Variants in GFRA3 observed in about 807,000 individuals in gnomAD.
GFRA3 encodes the protein GDNF family receptor alpha 3, also known as GDNF family receptor alpha-3.
A neutral mutation model predicts 40.0 loss-of-function variants in GFRA3; 24 were observed. That is an observed-to-expected ratio of 0.60 (90% CI 0.43 to 0.84). The LOEUF is 0.84. Ranked by LOEUF, GFRA3 falls within the 40% of genes least tolerant of loss-of-function variation. The pLI is 0.00. For synonymous variants in GFRA3, 203 were observed against 213.5 expected, an observed-to-expected ratio of 0.95 and a Z score of 0.43; for missense variants, 405 against 530.6, an observed-to-expected ratio of 0.76 and a Z score of 2.33.
intron 1 of GFRA3, among the ~76,000 whole-genome samples, chr5:138,266,697 T>C (rs1439831340): frequency 6.6e-6 from 1 of 150,854 alleles, no homozygotes; most frequent in African/African-American, 2.4e-5. Flanking sequence ...TTTTCTTTTC[T>C]TTTTTTTTGA....
chr5:138,274,300 T>C lies in GFRA3; in HGVS notation c.91+34A>G, dbSNP rs780622872. 2.3e-6 allele frequency: 3 copies of C among 1,319,032 alleles called. No homozygotes were observed. In the South Asian group the frequency reaches 8.1e-5, roughly 36 times the overall value. 81.7% of individuals were successfully genotyped at this position (1,319,032 alleles called of 1,614,324 possible). The stretch of plus-strand genomic sequence containing the variant: ...CCTACACCTCACCTCCCCCTCCCAC[T>C]GTACCCCCGGCCGGTGCGCGCTCTG... On this transcript the variant is annotated intron_variant, in intron 1 of 7. Coordinates refer to ENST00000274721, the MANE Select transcript of GFRA3 (RefSeq NM_001496.4).
rs558930484 is a variant in GFRA3 at position 138,262,864 on chromosome 5, G to A, written c.379+1397C>T. ...GATGACTTGTCTTTTTAGTTCATAA[G>A]TTTTTAGATTAAGAGGAGCCACATC... On this transcript the variant is annotated intron_variant, in intron 2 of 7. Coordinates refer to ENST00000274721, the MANE Select transcript of GFRA3 (RefSeq NM_001496.4). Among the ~76,000 whole-genome samples, 6 of 152,262 alleles carry A rather than the reference G, an allele frequency of 3.9e-5. No homozygotes were observed. In the East Asian group the frequency reaches 1.2e-3, roughly 29 times the overall value.
At chr5:138,253,639 A>G (rs1383686663) in intron 6 of GFRA3, 127 bp downstream of exon 6, 5 of 866,584 alleles carry the variant, frequency 5.8e-6, no homozygotes, top group Non-Finnish European at 9.1e-6. Flanking sequence ...ATGAAAGCCT[A>G]TGCTAGGAAC....
At chr5:138,271,907 T>TGTGTG (rs61112096) in intron 1 of GFRA3, among the ~76,000 whole-genome samples, 50 of 98,614 alleles carry the variant, frequency 5.1e-4, no homozygotes, top group South Asian at 1.3e-3. Flanking sequence ...TTTTTTTTTT[T>TGTGTG]TTTTTTTGTG....
chr5:138,261,145 G>T (rs565474271), intron 2 of GFRA3, among the ~76,000 whole-genome samples: 1 of 152,332 alleles, frequency 6.6e-6, no homozygotes, highest in African/African-American at 2.4e-5. Context: ...GTTACTGGGG[G>T]CTGGAAAGAT....
intron 6 of GFRA3, 96 bp from the exon 7 acceptor site, chr5:138,253,471 C>A: frequency 1.2e-6 from 1 of 819,164 alleles, no homozygotes; most frequent in Non-Finnish European, 2.1e-6. Flanking sequence ...GGACCCTGGG[C>A]TATAGGGGAG....
At position 138,253,061 on chromosome 5, in the gene GFRA3, T is replaced by C. The variant is rs772483412; in HGVS notation, c.1114-4A>G. The C allele has an allele frequency of 6.6e-7, 1 of 1,521,162 alleles. No individual in the cohort carries two copies. Among genetic ancestry groups the C allele is most frequent in the Non-Finnish European group, 9.1e-7 (1 of 1,096,378 alleles). The allele number at this position is 1,521,162 out of a possible 1,614,324, so 94.2% of individuals were successfully genotyped here. On this transcript the variant is annotated splice_polypyrimidine_tract_variant and splice_region_variant and intron_variant, in intron 7 of 7. Transcript: ENST00000274721. ...GCCTCACAGCAGGGTTTTCATTCTG[T>C]GGAAGAAATGGAATGGAGTTAGCTC...
At chr5:138,263,747 C>T (rs1011130380) in intron 2 of GFRA3, among the ~76,000 whole-genome samples, 2 of 152,184 alleles carry the variant, frequency 1.3e-5, no homozygotes, top group African/African-American at 2.4e-5. Context: ...GTTACAGCAA[C>T]ATAGTCCGGT....
Position 138,253,077 on chromosome 5 carries a change from G to A in GFRA3, c.1114-20C>T, listed in dbSNP as rs1019411088. 2 of 1,400,554 alleles carry A rather than the reference G, an allele frequency of 1.4e-6. No individual in the cohort carries two copies. Among genetic ancestry groups the A allele is most frequent in the Admixed American group, 1.7e-5 (1 of 58,824 alleles). 86.8% of individuals were successfully genotyped at this position (1,400,554 alleles called of 1,614,324 possible). On this transcript the variant is annotated intron_variant, in intron 7 of 7. Coordinates refer to ENST00000274721, the MANE Select transcript of GFRA3 (RefSeq NM_001496.4). Reference sequence around the variant, plus strand: ...TTCATTCTGTGGAAGAAATGGAATGGAGTTAGCTCAGGGGATTTTCTTTAG... The same window carrying A: ...TTCATTCTGTGGAAGAAATGGAATGAAGTTAGCTCAGGGGATTTTCTTTAG...
chr5:138,255,284 T>A (rs1445488576), intron 4 of GFRA3, among the ~76,000 whole-genome samples: 2 of 152,154 alleles, frequency 1.3e-5, no homozygotes, highest in Non-Finnish European at 2.9e-5. Flanking sequence ...GCCCTGACTA[T>A]AAGATAGTTT....
intron 2 of GFRA3, among the ~76,000 whole-genome samples, chr5:138,262,663 A>G (rs1403079435): frequency 6.6e-6 from 1 of 152,056 alleles, no homozygotes; most frequent in African/African-American, 2.4e-5. Flanking sequence ...TATGTTGTCC[A>G]GGCTGGTCTT....
chr5:138,253,196 G>C, intron 7 of GFRA3, 91 bp downstream of exon 7: 2 of 914,716 alleles, frequency 2.2e-6, no homozygotes, highest in Non-Finnish European at 1.8e-6. Context: ...GAGGAGGTCA[G>C]CCCCTCGCCT....
chr5:138,253,597 T>C (rs1316898257), intron 6 of GFRA3, among the ~76,000 whole-genome samples, 169 bp downstream of exon 6: 3 of 151,608 alleles, frequency 2.0e-5, no homozygotes, highest in African/African-American at 7.3e-5. Flanking sequence ...TCTCAGGGAG[T>C]GGGAGACAGA....
chr5:138,257,610 T>A (rs765494412), intron 4 of GFRA3, 29 bp downstream of exon 4: 2 of 1,579,000 alleles, frequency 1.3e-6, no homozygotes, highest in South Asian at 2.3e-5. Context: ...GCCTCATCCC[T>A]GCCCACCCTG....
At position 138,252,645 on chromosome 5, in the gene GFRA3, A is replaced by G. The variant is rs112280020; in HGVS notation, c.*323T>C. 0.01 allele frequency: 2,447 copies of G among 233,228 alleles called. 60 individuals are homozygous for G. Among genetic ancestry groups the G allele is most frequent in the African/African-American group, 0.05 (2,226 of 44,208 alleles). 14.4% of individuals were successfully genotyped at this position (233,228 alleles called of 1,614,324 possible). ...CCCTAACCCTAATCTGGAATGCAAT[A>G]GAGAATGGCTAACTTATTAGATTCT... On this transcript the variant is annotated 3_prime_UTR_variant, in exon 8 of 8. Coordinates refer to ENST00000274721, the MANE Select transcript of GFRA3 (RefSeq NM_001496.4).
intron 4 of GFRA3, among the ~76,000 whole-genome samples, chr5:138,255,217 TC>T (rs1258997382): frequency 2.0e-4 from 31 of 152,298 alleles, no homozygotes; most frequent in African/African-American, 7.0e-4. Context: ...TAAAACAGTA[TC>T]TAGCCCTAGT....
chr5:138,271,886 T>C (rs1290354045), intron 1 of GFRA3, among the ~76,000 whole-genome samples: 6 of 132,928 alleles, frequency 4.5e-5, no homozygotes, highest in Non-Finnish European at 8.0e-5. Flanking sequence ...CAGTATTTTC[T>C]TTTCTGTTTT....
intron 4 of GFRA3, among the ~76,000 whole-genome samples, chr5:138,255,913 A>AAAGAAG (rs1188647006): frequency 7.0e-6 from 1 of 143,840 alleles, no homozygotes; most frequent in Non-Finnish European, 1.5e-5. Flanking sequence ...AAAAAAAAAA[A>AAAGAAG]AAGAAGAAGA....
intron 3 of GFRA3, 138 bp from the exon 4 acceptor site, chr5:138,258,089 A>G: frequency 1.4e-6 from 1 of 695,430 alleles, no homozygotes; most frequent in Non-Finnish European, 2.5e-6. Context: ...TCATGAATAA[A>G]CCCACTCCTA....
Sources: gnomAD v4.1 joint callset for allele counts (sites outside exome capture counted in the v4.1 genomes callset) on GRCh38, gnomAD v4.1.1 for gene constraint, MANE v1.5 for transcripts, NCBI Gene and HGNC (gene_info 2026-07-23, HGNC 2026-07-21) for gene names.